The following BMP5 variants were observed in gnomAD, a reference collection of about 807,000 sequenced individuals.
The protein encoded by BMP5 is bone morphogenetic protein 5.
BMP5 carries 23 observed loss-of-function variants against 46.6 expected under a neutral mutation model. The ratio of observed to expected loss-of-function variants is 0.49; its 90% CI spans 0.35 to 0.70. The LOEUF (loss-of-function observed/expected upper bound fraction) is 0.70. Among genes scored for constraint, BMP5 ranks in the 30% least tolerant of loss-of-function variants. The probability of loss-of-function intolerance (pLI) is 0.00; values close to 1 mark genes in which losing one functional copy is unlikely to be tolerated. For synonymous variants in BMP5, 204 were observed against 191.9 expected (o/e 1.06, Z -0.52); for missense variants, 545 against 565.6 (o/e 0.96, Z 0.37).
chr6:55,851,433 A>G (rs1235958859), intron 1 of BMP5, among the ~76,000 whole-genome samples: 1 of 152,124 alleles, frequency 6.6e-6, no homozygotes, highest in Non-Finnish European at 1.5e-5. Flanking sequence ...CAGTAGACAA[A>G]GCAAGACTAG....
At chr6:55,807,203 G>C (rs184731747) in intron 2 of BMP5, among the ~76,000 whole-genome samples, 36 of 152,218 alleles carry the variant, frequency 2.4e-4, no homozygotes, top group African/African-American at 7.9e-4. Flanking sequence ...TTGGCTGTGG[G>C]TTTGTCATAA....
At chr6:55,815,519 A>G (rs1290768635) in intron 2 of BMP5, among the ~76,000 whole-genome samples, 1 of 152,204 alleles carries the variant, frequency 6.6e-6, no homozygotes, top group Non-Finnish European at 1.5e-5. Flanking sequence ...TAGGAAAAAT[A>G]TCAGTGAAAT....
At chr6:55,865,079 T>C (rs1777608815) in intron 1 of BMP5, among the ~76,000 whole-genome samples, 1 of 152,178 alleles carries the variant, frequency 6.6e-6, no homozygotes, top group Non-Finnish European at 1.5e-5. Flanking sequence ...AGCTCCAGGA[T>C]TGAAAGATTA....
Position 55,759,055 on chromosome 6 carries a change from G to C in BMP5, c.1165C>G (p.Pro389Ala). 1 of 1,528,952 alleles carries C rather than the reference G, an allele frequency of 6.5e-7. No homozygotes were observed. Among genetic ancestry groups the C allele is most frequent in the Non-Finnish European group, 8.8e-7 (1 of 1,131,056 alleles). The allele number at this position is 1,528,952 out of a possible 1,614,324, so 94.7% of individuals were successfully genotyped here. ...AFYCDGECSF[P>A]LNAHMNATNH... ...GTGGCATTCATATGGGCGTTAAGTG[G>C]AAAAGAACATTCTCCATCACAATAA... The change falls in exon 6 of 7, where the codon CCA (proline) becomes GCA (alanine). Residue 389 changes from proline to alanine, a missense_variant. Transcript: ENST00000370830.
At chr6:55,772,245 A>G (rs1775064050) in intron 4 of BMP5, among the ~76,000 whole-genome samples, 1 of 151,940 alleles carries the variant, frequency 6.6e-6, no homozygotes. Context: ...CATGTGTTTT[A>G]TTCATCTCTG....
rs186083592 is a variant in BMP5 at position 55,850,520 on chromosome 6, C to A, written c.490+23856G>T. ...ATATACATACCTTATATATTCACAC[C>A]ACTGCTCAAGTTATTACTTTATCCC... On this transcript the variant is annotated intron_variant, in intron 1 of 6. Transcript: ENST00000370830. Among the ~76,000 whole-genome samples, 40 of 152,154 alleles carry A rather than the reference C, an allele frequency of 2.6e-4. 1 individual carries two copies. Among genetic ancestry groups the A allele is most frequent in the African/African-American group, 8.2e-4 (34 of 41,530 alleles).
At chr6:55,778,925 T>A (rs1775242553) in intron 3 of BMP5, among the ~76,000 whole-genome samples, 2 of 152,042 alleles carry the variant, frequency 1.3e-5, no homozygotes, top group South Asian at 2.1e-4. Flanking sequence ...GTGGTCACAT[T>A]TGCCTAAGAA....
intron 3 of BMP5, among the ~76,000 whole-genome samples, chr6:55,775,236 T>C (rs1385485450): frequency 1.3e-5 from 2 of 151,954 alleles, no homozygotes; most frequent in Admixed American, 6.6e-5. Context: ...CTTAAAACTA[T>C]GTCAAATCAC....
chr6:55,868,898 G>A (rs1582134244), intron 1 of BMP5, among the ~76,000 whole-genome samples: 1 of 152,136 alleles, frequency 6.6e-6, no homozygotes, highest in African/African-American at 2.4e-5. Context: ...TTAGCCAAGG[G>A]TATTATTTTA....
At chr6:55,851,026 TTAAAA>T (rs1398615966) in intron 1 of BMP5, among the ~76,000 whole-genome samples, 3 of 152,218 alleles carry the variant, frequency 2.0e-5, no homozygotes, top group Non-Finnish European at 2.9e-5. Flanking sequence ...ACTGAATTTC[TTAAAA>T]GCAGTTTTGT....
chr6:55,818,032 C>G (rs1476600304), intron 2 of BMP5, among the ~76,000 whole-genome samples: 2 of 152,090 alleles, frequency 1.3e-5, no homozygotes, highest in African/African-American at 4.8e-5. Context: ...ATGAATGGCA[C>G]CCCCAGACTA....
At chr6:55,830,840 A>G (rs1177712583) in intron 1 of BMP5, among the ~76,000 whole-genome samples, 3 of 152,146 alleles carry the variant, frequency 2.0e-5, no homozygotes, top group African/African-American at 4.8e-5. Flanking sequence ...TGTGAAGCAG[A>G]TACAAGTTTG....
chr6:55,831,608 T>A (rs770695249), intron 1 of BMP5, among the ~76,000 whole-genome samples: 2 of 150,460 alleles, frequency 1.3e-5, no homozygotes, highest in Non-Finnish European at 3.0e-5. Context: ...AAGAGAGCAA[T>A]TAGAAGTGGA....
chr6:55,779,906 G>T (rs981106629), intron 3 of BMP5, among the ~76,000 whole-genome samples: 3 of 151,868 alleles, frequency 2.0e-5, no homozygotes, highest in African/African-American at 7.2e-5. Context: ...GAAAAGTTGG[G>T]ATTTTAAACT....
intron 1 of BMP5, among the ~76,000 whole-genome samples, chr6:55,850,422 T>A (rs1309690867): frequency 1.3e-5 from 2 of 151,816 alleles, no homozygotes; most frequent in African/African-American, 4.8e-5. Flanking sequence ...ATAGATAGAT[T>A]AGAGGTAGAT....
intron 1 of BMP5, among the ~76,000 whole-genome samples, chr6:55,861,320 C>G (rs1449380785): frequency 3.9e-5 from 6 of 152,224 alleles, no homozygotes; most frequent in Non-Finnish European, 4.4e-5. Flanking sequence ...GCCTTCTAGA[C>G]CGGCCAGCAG....
chr6:55,796,837 T>A (rs1160541568), intron 2 of BMP5, among the ~76,000 whole-genome samples: 1 of 152,132 alleles, frequency 6.6e-6, no homozygotes, highest in Non-Finnish European at 1.5e-5. Context: ...AATATCTGAA[T>A]TTCGGTGATG....
At chr6:55,866,658 T>A (rs568845476) in intron 1 of BMP5, among the ~76,000 whole-genome samples, 5 of 152,330 alleles carry the variant, frequency 3.3e-5, no homozygotes, top group African/African-American at 1.2e-4. Context: ...GCAATTGCAG[T>A]CCGCAGTTCA....
intron 5 of BMP5, 132 bp from the exon 6 acceptor site, chr6:55,759,247 T>C (rs1774707002): frequency 4.8e-6 from 3 of 620,320 alleles, no homozygotes; most frequent in Non-Finnish European, 8.3e-6. Context: ...TTGAAATATA[T>C]TGTATCTGAA....
Sources: gnomAD v4.1 joint callset for allele counts (sites outside exome capture counted in the v4.1 genomes callset) on GRCh38, gnomAD v4.1.1 for gene constraint, MANE v1.5 for transcripts, NCBI Gene and HGNC (gene_info 2026-07-23, HGNC 2026-07-21) for gene names.